The following JPH2 variants were observed in gnomAD, a reference collection of about 807,000 sequenced individuals.
JPH2 encodes the protein junctophilin-2.
In JPH2, 38 loss-of-function variants were observed where a neutral mutation model predicts 55.9. That is an observed-to-expected ratio of 0.68 (90% confidence interval 0.52 to 0.89). The LOEUF is 0.89. JPH2 is among the 40% of genes least tolerant of loss of function. The pLI is 0.00. For synonymous variants in JPH2, 480 were observed against 472.4 expected, an observed-to-expected ratio of 1.02 and a Z score of -0.21; for missense variants, 964 against 1,037.6, an observed-to-expected ratio of 0.93 and a Z score of 0.97.
intron 1 of JPH2, chr20:44,177,950 C>T: frequency 7.7e-7 from 1 of 1,301,746 alleles, no homozygotes; most frequent in South Asian, 1.2e-5. Context: ...CGACCATATT[C>T]TGAGGGCGAT....
At chr20:44,149,519 T>C (rs2072516344) in intron 2 of JPH2, among the ~76,000 whole-genome samples, 1 of 152,222 alleles carries the variant, frequency 6.6e-6, no homozygotes, top group Non-Finnish European at 1.5e-5. Flanking sequence ...GTGAGAGCTT[T>C]GGGGTTTAGT....
chr20:44,172,774 C>A (rs1258440124), intron 1 of JPH2, among the ~76,000 whole-genome samples: 1 of 152,184 alleles, frequency 6.6e-6, no homozygotes, highest in Non-Finnish European at 1.5e-5. Flanking sequence ...CAGACAGGAG[C>A]CACCAAGCCC....
intron 1 of JPH2, among the ~76,000 whole-genome samples, chr20:44,172,985 TA>T (rs895299426): frequency 6.6e-5 from 10 of 152,028 alleles, no homozygotes; most frequent in African/African-American, 2.2e-4. Context: ...TATTTAACAG[TA>T]AAAAAAATCG....
rs960626729 is a variant in JPH2 at position 44,114,737 on chromosome 20, A to T, written c.*14+45T>A. 5 of 1,430,244 alleles carry T rather than the reference A, an allele frequency of 3.5e-6. No homozygotes were observed. The African/African-American group carries it at 5.6e-5, about 16-fold the overall frequency. The allele number at this position is 1,430,244 out of a possible 1,614,324, so 88.6% of individuals were successfully genotyped here. A position where few individuals can be genotyped will look rare whatever the true frequency, so the allele number is the denominator to read the frequency against. ...ACCACCCTGGTGCTCAAAACTCCCC[A>T]GGGGCTCCTGCCCCCCAACCCCTCC... On this transcript the variant is annotated intron_variant, in intron 5 of 5. Coordinates refer to ENST00000372980, the MANE Select transcript of JPH2 (RefSeq NM_020433.5).
chr20:44,181,497 G>A (rs2072783097), intron 1 of JPH2, among the ~76,000 whole-genome samples: 1 of 152,202 alleles, frequency 6.6e-6, no homozygotes, highest in Non-Finnish European at 1.5e-5. Flanking sequence ...GTGACCCACT[G>A]AATTGACTTC....
At chr20:44,175,667 C>T (rs944435787) in intron 1 of JPH2, among the ~76,000 whole-genome samples, 25 of 152,358 alleles carry the variant, frequency 1.6e-4, no homozygotes, top group African/African-American at 5.5e-4. Flanking sequence ...ACCACCCCTA[C>T]ATCCAGAGGC....
chr20:44,137,083 C>T (rs2072418119), intron 2 of JPH2, among the ~76,000 whole-genome samples: 1 of 152,230 alleles, frequency 6.6e-6, no homozygotes, highest in South Asian at 2.1e-4. Context: ...CAGACCAGCT[C>T]AGCATTGTGC....
rs1438105457 is a variant in JPH2 at position 44,134,891 on chromosome 20, T to G, written c.1170-16268A>C. The stretch of plus-strand genomic sequence containing the variant: ...ATATATATATTTATATATATATTAA[T>G]ATATATTTATATATATATATAAAAT... On this transcript the variant is annotated intron_variant, in intron 2 of 5. Coordinates refer to ENST00000372980, the MANE Select transcript of JPH2 (RefSeq NM_020433.5). 7.6e-5 allele frequency among the ~76,000 whole-genome samples: 5 copies of G among 65,928 alleles called. No homozygotes were observed. In the South Asian group the frequency reaches 1.7e-3, roughly 22 times the overall value. 43.3% of individuals were successfully genotyped at this position (65,928 alleles called of 152,430 possible).
chr20:44,131,523 T>C (rs182656621), intron 2 of JPH2, among the ~76,000 whole-genome samples: 243 of 152,186 alleles, frequency 1.6e-3, no homozygotes, highest in African/African-American at 5.4e-3. Context: ...ACTAACACAA[T>C]GGGGATAATA....
At chr20:44,161,515 T>G (rs537215568) in intron 1 of JPH2, among the ~76,000 whole-genome samples, 1 of 152,218 alleles carries the variant, frequency 6.6e-6, no homozygotes, top group Admixed American at 6.5e-5. Flanking sequence ...TGTGTGACCT[T>G]GGGCAACTGA....
At chr20:44,182,173 G>C (rs890997386) in intron 1 of JPH2, among the ~76,000 whole-genome samples, 2 of 152,154 alleles carry the variant, frequency 1.3e-5, no homozygotes. Context: ...ACTCCCAGCC[G>C]TTCCTAATCA....
Position 44,159,907 on chromosome 20 carries a change from C to A in JPH2, c.880G>T (p.Glu294Ter). 5 of 1,613,018 alleles carry A rather than the reference C, an allele frequency of 3.1e-6. No homozygotes were observed. The highest frequency in any genetic ancestry group is 3.4e-6 in the Non-Finnish European group (4 of 1,179,752). ...DATTTETYMGEWKNDKRSGFG... is the reference protein window; with the variant it reads ...DATTTETYMG ...CCCGAGCGTTTGTCGTTCTTCCACTCGCCCATGTAGGTCTCGGTGGTGGTG... is the reference window on the plus strand; with the variant it reads ...CCCGAGCGTTTGTCGTTCTTCCACTAGCCCATGTAGGTCTCGGTGGTGGTG... The change falls in exon 2 of 6, where the codon GAG (glutamate) becomes TAG (stop). Residue 294 changes from glutamate (E) to a stop codon, truncating the protein, a stop_gained. Coordinates refer to ENST00000372980, the MANE Select transcript of JPH2 (RefSeq NM_020433.5). LOFTEE classifies it high-confidence loss of function. The surrounding 1 kb of genome is among the most constrained non-coding windows in gnomAD (Gnocchi z 5.7).
At chr20:44,131,084 C>T (rs986418531) in intron 2 of JPH2, among the ~76,000 whole-genome samples, 2 of 152,192 alleles carry the variant, frequency 1.3e-5, no homozygotes, top group African/African-American at 2.4e-5. Flanking sequence ...CCCATCCTAG[C>T]GTAATCCCTT....
At chr20:44,131,245 T>C (rs6093939) in intron 2 of JPH2, among the ~76,000 whole-genome samples, 1 of 152,210 alleles carries the variant, frequency 6.6e-6, no homozygotes, top group Non-Finnish European at 1.5e-5. Flanking sequence ...AGCTGCCATG[T>C]TGGAGAGGAA....
At chr20:44,142,298 AC>A (rs2072463024) in intron 2 of JPH2, among the ~76,000 whole-genome samples, 1 of 152,142 alleles carries the variant, frequency 6.6e-6, no homozygotes, top group South Asian at 2.1e-4. Context: ...GAGAAAGGAA[AC>A]TTTTCCTTTC....
chr20:44,174,212 C>A (rs62204508), intron 1 of JPH2, among the ~76,000 whole-genome samples: 4,705 of 152,216 alleles, frequency 0.031, 91 homozygotes, highest in Non-Finnish European at 0.044. Context: ...GGTAGAGGGA[C>A]CTGCCCAAGG....
intron 2 of JPH2, among the ~76,000 whole-genome samples, chr20:44,129,773 G>A (rs1248540665): frequency 6.6e-6 from 1 of 152,104 alleles, no homozygotes; most frequent in Admixed American, 6.6e-5. Context: ...AGACAGGAAG[G>A]CCCTAAATGT....
In JPH2 at chr20:44,109,357, T is replaced by A. The variant is rs2072126607; in HGVS notation, c.*4161A>T. Among the ~76,000 whole-genome samples, 1 of 152,228 alleles carries A rather than the reference T, an allele frequency of 6.6e-6. No homozygotes were observed. The highest frequency in any genetic ancestry group is 6.5e-5 in the Admixed American group (1 of 15,286). ...CTGGGAATTGTTCTAAGTGCTGTGTTCATATTTTCTATCTGAAGAGGCAGG... is the reference window on the plus strand; with the variant it reads ...CTGGGAATTGTTCTAAGTGCTGTGTACATATTTTCTATCTGAAGAGGCAGG... On this transcript the variant is annotated 3_prime_UTR_variant, in exon 6 of 6. Coordinates refer to ENST00000372980, the MANE Select transcript of JPH2 (RefSeq NM_020433.5).
At position 44,186,810 on chromosome 20, in the gene JPH2, C is replaced by T. The variant is rs1332672249; in HGVS notation, c.-105G>A. On this transcript the variant is annotated 5_prime_UTR_variant, in exon 1 of 6. Transcript: ENST00000372980. ...GTGCCCTCGGGGGCAGGCCCCCAGACTCACCACTGCACCCCAGGAGGGGGG... is the reference window on the plus strand; with the variant it reads ...GTGCCCTCGGGGGCAGGCCCCCAGATTCACCACTGCACCCCAGGAGGGGGG... The T allele has an allele frequency of 7.0e-6, 8 of 1,140,180 alleles. No homozygotes were observed. The Admixed American group carries it at 7.1e-5, about 10-fold the overall frequency. 70.6% of individuals were successfully genotyped at this position (1,140,180 alleles called of 1,614,324 possible). A position where few individuals can be genotyped will look rare whatever the true frequency, so the allele number is the denominator to read the frequency against.
Sources: gnomAD v4.1 joint callset for allele counts (sites outside exome capture counted in the v4.1 genomes callset) on GRCh38, gnomAD v4.1.1 for gene constraint, Gnocchi (gnomAD v3.1) non-coding constraint, MANE v1.5 for transcripts, NCBI Gene and HGNC (gene_info 2026-07-23, HGNC 2026-07-21) for gene names.